SDK1: variants seen among roughly 807,000 people sequenced by gnomAD.
SDK1 encodes the protein sidekick cell adhesion molecule 1, also known as protein sidekick-1.
SDK1 carries 157 observed loss-of-function variants against 245.5 expected under a neutral mutation model. That is an observed-to-expected ratio of 0.64 (90% CI 0.56 to 0.73). The LOEUF (loss-of-function observed/expected upper bound fraction) is 0.73, where lower values mean the gene tolerates loss of function less well. Among genes scored for constraint, SDK1 ranks in the 30% least tolerant of loss-of-function variants. The pLI is 0.00. For missense variants in SDK1, 3,583 were observed against 3,002.3 expected (o/e 1.19, Z -4.52); for synonymous variants, 1,647 against 1,278.5 (o/e 1.29, Z -6.15).
rs778692871 is a variant in SDK1, at chr7:4,077,031, A to T, written c.3044A>T (p.Asn1015Ile). ...YQISWEVYGR[N>I]DSRLTHTLNS... ...ATCTCTTGGGAAGTGTACGGCAGGAACGACTCTCGTCTCACGCACACCCTG... is the reference window on the plus strand; with the variant it reads ...ATCTCTTGGGAAGTGTACGGCAGGATCGACTCTCGTCTCACGCACACCCTG... Residue 1015 changes from asparagine to isoleucine, a missense_variant, in exon 21 of 45, where the codon AAC becomes ATC. Coordinates refer to ENST00000404826, the MANE Select transcript of SDK1 (RefSeq NM_152744.4). 2.5e-6 allele frequency: 4 copies of T among 1,614,130 alleles called. No individual in the cohort carries two copies. In the South Asian group the frequency reaches 3.3e-5, roughly 13 times the overall value.
At chr7:3,862,192 G>T (rs1241837626) in intron 5 of SDK1, among the ~76,000 whole-genome samples, 1 of 152,226 alleles carries the variant, frequency 6.6e-6, no homozygotes, top group Non-Finnish European at 1.5e-5. Context: ...AGCAGTGGCT[G>T]CATATTTGAA....
chr7:3,833,907 A>G (rs982478462), intron 5 of SDK1, among the ~76,000 whole-genome samples: 6 of 152,144 alleles, frequency 3.9e-5, no homozygotes, highest in Admixed American at 3.9e-4. Context: ...TTCAGTTTGC[A>G]CTTGAAGGAT....
intron 5 of SDK1, among the ~76,000 whole-genome samples, chr7:3,900,934 G>A (rs1781766504): frequency 6.6e-6 from 1 of 151,772 alleles, no homozygotes; most frequent in Non-Finnish European, 1.5e-5. Context: ...AAATTCAAAT[G>A]TGCCTAATTG....
At chr7:4,116,415 C>G (rs1783713442) in intron 25 of SDK1, among the ~76,000 whole-genome samples, 1 of 152,198 alleles carries the variant, frequency 6.6e-6, no homozygotes, top group South Asian at 2.1e-4. Flanking sequence ...GTGCCCAGTG[C>G]ATCTGCACGT....
chr7:3,308,947 TG>T (rs1474398680), intron 1 of SDK1, among the ~76,000 whole-genome samples: 1 of 152,064 alleles, frequency 6.6e-6, no homozygotes, highest in Non-Finnish European at 1.5e-5. Flanking sequence ...TATGGAAACT[TG>T]GGGAGCTCTG....
intron 1 of SDK1, among the ~76,000 whole-genome samples, chr7:3,363,383 G>A (rs1462968803): frequency 6.6e-6 from 1 of 151,646 alleles, no homozygotes; most frequent in Non-Finnish European, 1.5e-5. Context: ...AGACATCTGG[G>A]TTGTTTCCAT....
At chr7:3,432,111 G>GAAA (rs1779864977) in intron 1 of SDK1, among the ~76,000 whole-genome samples, 2 of 88,070 alleles carry the variant, frequency 2.3e-5, no homozygotes, top group African/African-American at 7.4e-5. Context: ...GCAGGCTGCA[G>GAAA]TAAAAAAAAA....
At chr7:3,360,797 C>G (rs1411870812) in intron 1 of SDK1, among the ~76,000 whole-genome samples, 2 of 152,136 alleles carry the variant, frequency 1.3e-5, no homozygotes, top group Non-Finnish European at 2.9e-5. Flanking sequence ...GCAGAGAAGA[C>G]TCCACTCTGT....
intron 13 of SDK1, among the ~76,000 whole-genome samples, chr7:3,975,837 C>G (rs1243184500): frequency 6.6e-6 from 1 of 152,264 alleles, no homozygotes; most frequent in Non-Finnish European, 1.5e-5. Context: ...CAGGAGTCCC[C>G]ATGGCTCTAC....
chr7:4,122,524 A>G (rs1784134342), intron 25 of SDK1, among the ~76,000 whole-genome samples: 1 of 152,228 alleles, frequency 6.6e-6, no homozygotes, highest in African/African-American at 2.4e-5. Flanking sequence ...AACACACAGC[A>G]GAATGCTCGG....
At chr7:3,592,174 T>C (rs903428389) in intron 1 of SDK1, among the ~76,000 whole-genome samples, 5 of 152,238 alleles carry the variant, frequency 3.3e-5, no homozygotes, top group African/African-American at 1.2e-4. Context: ...GCTGATACTT[T>C]ATTTCTTTAG....
Position 4,130,762 on chromosome 7 carries a change from C to T in SDK1, c.4129+665C>T, listed in dbSNP as rs569687652. On this transcript the variant is annotated intron_variant, in intron 27 of 44. Transcript: ENST00000404826. ...GATGTCAAACACATAAAGGTTAGCG[C>T]CTTTACATTTTCATTATTAAACAGA... Among the ~76,000 whole-genome samples the T allele has an allele frequency of 2.6e-5, 4 of 152,256 alleles. No individual in the cohort carries two copies. In the East Asian group the frequency reaches 7.7e-4, roughly 29 times the overall value.
rs551337868 is a variant in SDK1 at position 3,508,288 on chromosome 7, C to T, written c.299-110792C>T. Reference sequence around the variant, plus strand: ...GCCCCAAATTAAGCTAATCATTACTCTTTCCTCTCTGACATCATCATTCTT... The same window carrying T: ...GCCCCAAATTAAGCTAATCATTACTTTTTCCTCTCTGACATCATCATTCTT... On this transcript the variant is annotated intron_variant, in intron 1 of 44. Coordinates refer to ENST00000404826, the MANE Select transcript of SDK1 (RefSeq NM_152744.4). Among the ~76,000 whole-genome samples, 174 of 150,580 alleles carry T rather than the reference C, an allele frequency of 1.2e-3. 2 individuals carry two copies. Among genetic ancestry groups the T allele is most frequent in the African/African-American group, 4.0e-3 (166 of 41,080 alleles).
chr7:4,018,607 CAT>C (rs757021668), intron 17 of SDK1, among the ~76,000 whole-genome samples: 71 of 152,342 alleles, frequency 4.7e-4, no homozygotes, highest in Admixed American at 1.5e-3. Context: ...TAAAAAGACT[CAT>C]ATTGCTATTA....
At chr7:3,801,890 C>G (rs540829889) in intron 4 of SDK1, among the ~76,000 whole-genome samples, 40 of 152,302 alleles carry the variant, frequency 2.6e-4, no homozygotes, top group Non-Finnish European at 2.9e-5. Flanking sequence ...CTGAAAACTC[C>G]AGTGAGAACT....
At chr7:4,096,613 A>G (rs10277830) in intron 22 of SDK1, among the ~76,000 whole-genome samples, 3,008 of 152,282 alleles carry the variant, frequency 0.02, 54 homozygotes, top group Admixed American at 0.048. Context: ...AGTTCCTAAT[A>G]ATAAAAATAA....
intron 14 of SDK1, among the ~76,000 whole-genome samples, chr7:4,006,455 C>G (rs899399261): frequency 5.9e-5 from 9 of 152,216 alleles, no homozygotes; most frequent in African/African-American, 1.9e-4. Context: ...CTGTGGCCCT[C>G]TTCTGTGAGG....
At chr7:3,691,413 A>G (rs1250283177) in intron 4 of SDK1, among the ~76,000 whole-genome samples, 1 of 152,220 alleles carries the variant, frequency 6.6e-6, no homozygotes, top group Non-Finnish European at 1.5e-5. Flanking sequence ...CAAAGAAAAG[A>G]GTTGCATTGA....
At position 4,237,661 on chromosome 7, in the gene SDK1, C is replaced by T. The variant is rs780763854; in HGVS notation, c.6007C>T (p.Pro2003Ser). 5.0e-6 allele frequency: 8 copies of T among 1,614,016 alleles called. No homozygotes were observed. Among genetic ancestry groups the T allele is most frequent in the African/African-American group, 1.3e-5 (1 of 74,894 alleles). ...CTTTTCCACAGCTCAAGTGGAAGCC[C>T]CATTCTACGAGGAGTGGTGGTTCCT... Reference protein sequence around the residue: ...STAVSAQVEAPFYEEWWFLLV... With the variant: ...STAVSAQVEASFYEEWWFLLV... The change falls in exon 42 of 45, where the codon CCA becomes TCA. Residue 2003 changes from proline (P) to serine (S), a missense_variant. Pro to Ser is a moderately conservative substitution (Grantham distance 74). Coordinates refer to ENST00000404826, the MANE Select transcript of SDK1 (RefSeq NM_152744.4).
Sources: gnomAD v4.1 joint callset for allele counts (sites outside exome capture counted in the v4.1 genomes callset) on GRCh38, gnomAD v4.1.1 for gene constraint, MANE v1.5 for transcripts, NCBI Gene and HGNC (gene_info 2026-07-23, HGNC 2026-07-21) for gene names.